Variants in ZNF79 observed in about 807,000 individuals in gnomAD.
ZNF79 encodes zinc finger protein 79.
A neutral mutation model predicts 14.9 loss-of-function variants in ZNF79; 13 were observed. That is an observed-to-expected ratio of 0.87 (90% CI 0.57 to 1.38). The LOEUF is 1.38. ZNF79 is among the 40% of genes most tolerant of loss of function. The probability of loss-of-function intolerance (pLI) is 0.00; values close to 1 mark genes in which losing one functional copy is unlikely to be tolerated. For missense variants in ZNF79, 631 were observed against 630.6 expected, an observed-to-expected ratio of 1.00 and a Z score of -0.01; for synonymous variants, 223 against 235.1, an observed-to-expected ratio of 0.95 and a Z score of 0.47.
chr9:127,436,007 T>A lies in ZNF79; in HGVS notation c.328+4T>A. 3 of 1,613,914 alleles carry A rather than the reference T, an allele frequency of 1.9e-6. No homozygotes were observed. Among genetic ancestry groups the A allele is most frequent in the Non-Finnish European group, 2.5e-6 (3 of 1,179,778 alleles). ...GACCTGCGAAGTCCCTCTCCAGGTATGTGAGCAAGCACTTAGCCAGTGGGA... is the reference window on the plus strand; with the variant it reads ...GACCTGCGAAGTCCCTCTCCAGGTAAGTGAGCAAGCACTTAGCCAGTGGGA... On this transcript the variant is annotated splice_donor_region_variant and intron_variant, in intron 4 of 4. Coordinates refer to ENST00000342483, the MANE Select transcript of ZNF79 (RefSeq NM_007135.3).
chr9:127,436,499 G>C (rs929001456), intron 4 of ZNF79, among the ~76,000 whole-genome samples: 4 of 152,178 alleles, frequency 2.6e-5, no homozygotes, highest in Non-Finnish European at 5.9e-5. Flanking sequence ...GGCCATGCCA[G>C]AATTTTCCAA....
chr9:127,430,691 G>C (rs556071839), intron 2 of ZNF79, among the ~76,000 whole-genome samples: 8 of 152,208 alleles, frequency 5.3e-5, no homozygotes, highest in African/African-American at 1.4e-4. Context: ...CAGGCACCTG[G>C]GTTGACTGCA....
In ZNF79 at chr9:127,424,560, T is replaced by C. The variant is rs60787848; in HGVS notation, c.-228T>C. On this transcript the variant is annotated 5_prime_UTR_variant, in exon 1 of 5. Coordinates refer to ENST00000342483, the MANE Select transcript of ZNF79 (RefSeq NM_007135.3). Reference sequence around the variant, plus strand: ...TTCTGCTTGAGGCCGAGCCAAAGAGTGGCTGTGACTCGGGAGACGGAGTGG... The same window carrying C: ...TTCTGCTTGAGGCCGAGCCAAAGAGCGGCTGTGACTCGGGAGACGGAGTGG... 3,061 of 533,796 alleles carry C rather than the reference T, an allele frequency of 5.7e-3. 71 individuals are homozygous for C. Among genetic ancestry groups the C allele is most frequent in the African/African-American group, 0.053 (2,749 of 52,260 alleles). 33.1% of individuals were successfully genotyped at this position (533,796 alleles called of 1,614,324 possible).
chr9:127,439,418 T>C (rs1834011740), intron 4 of ZNF79, among the ~76,000 whole-genome samples: 1 of 152,226 alleles, frequency 6.6e-6, no homozygotes, highest in Admixed American at 6.5e-5. Context: ...TGTAGAGTTA[T>C]ATAAGCTATA....
At chr9:127,439,354 G>A (rs1320283857) in intron 4 of ZNF79, among the ~76,000 whole-genome samples, 3 of 152,062 alleles carry the variant, frequency 2.0e-5, no homozygotes, top group African/African-American at 7.3e-5. Flanking sequence ...AAATGTAGAT[G>A]ATAAAATCTT....
chr9:127,442,877 GT>G (rs1280443872), intron 4 of ZNF79, among the ~76,000 whole-genome samples: 3 of 152,084 alleles, frequency 2.0e-5, no homozygotes, highest in African/African-American at 7.2e-5. Context: ...GTGTGTGTGT[GT>G]GTGTGTGGCA....
chr9:127,445,245 G>A lies in ZNF79; in HGVS notation c.*48G>A. 1 of 1,581,690 alleles carries A rather than the reference G, an allele frequency of 6.3e-7. No homozygotes were observed. The highest frequency in any genetic ancestry group is 8.6e-7 in the Non-Finnish European group (1 of 1,159,702). On this transcript the variant is annotated 3_prime_UTR_variant, in exon 5 of 5. Transcript: ENST00000342483. ...GAGAGTCCCGGACATGCCGACTCAG[G>A]ACAGGTGGGTGAGGATCTGAGAAAT...
chr9:127,440,113 C>T (rs1448172583), intron 4 of ZNF79, among the ~76,000 whole-genome samples: 1 of 152,176 alleles, frequency 6.6e-6, no homozygotes, highest in Non-Finnish European at 1.5e-5. Context: ...CTGCCTGCCT[C>T]GGCCTCCCAA....
At chr9:127,428,508 C>A in intron 1 of ZNF79, 1 of 227,966 alleles carries the variant, frequency 4.4e-6, no homozygotes, top group Non-Finnish European at 7.7e-6. Context: ...TTAATCTTCA[C>A]AGCAGATTAT....
chr9:127,445,151 G>A lies in ZNF79; in HGVS notation c.1451G>A (p.Cys484Tyr). Reference sequence around the variant, plus strand: ...AGCGAGTGTGGGAAGGCCTTCCGGTGCAGCTCTGCCTTCGTTAGACATCAG... The same window carrying A: ...AGCGAGTGTGGGAAGGCCTTCCGGTACAGCTCTGCCTTCGTTAGACATCAG... ...ECSECGKAFRCSSAFVRHQRL... is the reference protein window; with the variant it reads ...ECSECGKAFRYSSAFVRHQRL... Residue 484 changes from cysteine to tyrosine, a missense_variant, in exon 5 of 5, where the codon TGC (cysteine) becomes TAC (tyrosine). Transcript: ENST00000342483. 3 of 1,614,224 alleles carry A rather than the reference G, an allele frequency of 1.9e-6. No homozygotes were observed. The highest frequency in any genetic ancestry group is 8.5e-7 in the Non-Finnish European group (1 of 1,180,050).
intron 2 of ZNF79, among the ~76,000 whole-genome samples, chr9:127,429,881 A>G (rs1443836659): frequency 6.6e-6 from 1 of 150,652 alleles, no homozygotes; most frequent in African/African-American, 2.4e-5. Flanking sequence ...CAGTGTCACA[A>G]TCTAGGCTCA....
intron 4 of ZNF79, among the ~76,000 whole-genome samples, chr9:127,437,060 TAAAAAAA>T (rs769977106): frequency 8.1e-6 from 1 of 123,800 alleles, no homozygotes; most frequent in African/African-American, 3.0e-5. Context: ...AACTCTGTCT[TAAAAAAA>T]AAAAAAAAAA....
At chr9:127,442,273 C>T (rs1206842408) in intron 4 of ZNF79, among the ~76,000 whole-genome samples, 11 of 138,334 alleles carry the variant, frequency 8.0e-5, no homozygotes, top group African/African-American at 3.0e-4. Context: ...TGGTGGCGGG[C>T]ACCTGTAATC....
rs780466497 is a variant in ZNF79 at position 127,444,599 on chromosome 9, C to G, written c.899C>G (p.Thr300Ser). ...CTTGTTCAGCATCAGAGAATTCATA[C>G]CGGAGAGAAGCCCTACGAATGCAGC... ...SALVQHQRIH[T>S]GEKPYECSDC... The change falls in exon 5 of 5, where the codon ACC becomes AGC. Residue 300 changes from threonine (T) to serine (S), a missense_variant. Physicochemically the swap from Thr to Ser is moderately conservative, Grantham distance 58 (BLOSUM62 1). Transcript: ENST00000342483. 3.7e-6 allele frequency: 6 copies of G among 1,614,152 alleles called. No individual in the cohort carries two copies. Among genetic ancestry groups the G allele is most frequent in the Non-Finnish European group, 5.1e-6 (6 of 1,180,040 alleles).
chr9:127,430,800 G>A lies in ZNF79; in HGVS notation c.105+1880G>A, dbSNP rs1833846783. 2.0e-5 allele frequency among the ~76,000 whole-genome samples: 3 copies of A among 152,208 alleles called. No homozygotes were observed. The South Asian group carries it at 6.2e-4, about 31-fold the overall frequency. On this transcript the variant is annotated intron_variant, in intron 2 of 4. Transcript: ENST00000342483. ...CCTTTGAGTATTTACACAGTAATGGGATTGCCGGGTCGAATGGTAGCTCTG... is the reference window on the plus strand; with the variant it reads ...CCTTTGAGTATTTACACAGTAATGGAATTGCCGGGTCGAATGGTAGCTCTG...
chr9:127,425,614 A>T (rs1329167578), intron 1 of ZNF79, among the ~76,000 whole-genome samples: 1 of 152,066 alleles, frequency 6.6e-6, no homozygotes, highest in Non-Finnish European at 1.5e-5. Flanking sequence ...TGTTTTTGAG[A>T]CAGAGTCTCG....
chr9:127,439,210 G>A (rs1161273153), intron 4 of ZNF79, among the ~76,000 whole-genome samples: 4 of 143,824 alleles, frequency 2.8e-5, no homozygotes, highest in African/African-American at 5.1e-5. Flanking sequence ...CACACAACGC[G>A]CACACACACA....
chr9:127,443,667 C>T (rs186241372), intron 4 of ZNF79, among the ~76,000 whole-genome samples: 2 of 151,910 alleles, frequency 1.3e-5, no homozygotes, highest in Non-Finnish European at 2.9e-5. Flanking sequence ...TTTGGGAGGC[C>T]GAGGCGGGTG....
intron 2 of ZNF79, among the ~76,000 whole-genome samples, chr9:127,433,033 TG>T (rs1833888000): frequency 6.6e-6 from 1 of 151,994 alleles, no homozygotes; most frequent in Non-Finnish European, 1.5e-5. Context: ...CCACCTGCTT[TG>T]GCCTCCCAAA....
Sources: gnomAD v4.1 joint callset for allele counts (sites outside exome capture counted in the v4.1 genomes callset) on GRCh38, gnomAD v4.1.1 for gene constraint, MANE v1.5 for transcripts, NCBI Gene and HGNC (gene_info 2026-07-23, HGNC 2026-07-21) for gene names.